AFG1L: variants seen among roughly 807,000 people sequenced by gnomAD.
The protein encoded by AFG1L is AFG1-like ATPase.
A neutral mutation model predicts 62.2 loss-of-function variants in AFG1L; 53 were observed. The observed-to-expected ratio is 0.85, with a 90% CI of 0.68 to 1.07. The LOEUF (loss-of-function observed/expected upper bound fraction) is 1.07, where lower values mean the gene tolerates loss of function less well. Ranked by LOEUF, AFG1L falls within the 50% of genes least tolerant of loss-of-function variation. The pLI, the probability that AFG1L is intolerant of heterozygous loss-of-function variation, is 0.00. For missense variants in AFG1L, 555 were observed against 590.5 expected (o/e 0.94, Z 0.62); for synonymous variants, 228 against 210.3 (o/e 1.08, Z -0.73).
At position 108,465,491 on chromosome 6, in the gene AFG1L, T is replaced by A. The variant is rs1772628953; in HGVS notation, c.891-11374T>A. 2.0e-5 allele frequency among the ~76,000 whole-genome samples: 3 copies of A among 152,322 alleles called. No homozygotes were observed. In the Middle Eastern group the frequency reaches 0.01, roughly 518 times the overall value. On this transcript the variant is annotated intron_variant, in intron 8 of 12. Transcript: ENST00000368977. ...CTTGTTGCTGACCTTAGGTCTTATG[T>A]CCCAAATACCAGATTTTTAAAAATG...
intron 7 of AFG1L, among the ~76,000 whole-genome samples, chr6:108,440,891 A>G (rs1771519595): frequency 6.6e-6 from 1 of 152,204 alleles, no homozygotes; most frequent in South Asian, 2.1e-4. Context: ...TTAAAAATTT[A>G]TAAAATAAAT....
intron 2 of AFG1L, among the ~76,000 whole-genome samples, chr6:108,332,056 A>G (rs949872080): frequency 1.3e-5 from 2 of 152,210 alleles, no homozygotes; most frequent in Non-Finnish European, 2.9e-5. Context: ...AGGCAGATGG[A>G]AAAGAACTAC....
chr6:108,446,015 C>A (rs1355070371), intron 7 of AFG1L, among the ~76,000 whole-genome samples: 6 of 148,966 alleles, frequency 4.0e-5, no homozygotes, highest in African/African-American at 1.2e-4. Flanking sequence ...AAGGGAAACA[C>A]AATAAAATGA....
Position 108,347,459 on chromosome 6 carries a change from A to C in AFG1L, c.415+420A>C, listed in dbSNP as rs75924373. The stretch of plus-strand genomic sequence containing the variant: ...CATAACCTAAGCCCTTGGATGAATA[A>C]TTTAGTCGTTATTATCTTTAATGTA... On this transcript the variant is annotated intron_variant, in intron 3 of 12. Transcript: ENST00000368977. Among the ~76,000 whole-genome samples the C allele has an allele frequency of 3.2e-3, 493 of 152,268 alleles. 1 individual carries two copies. Among genetic ancestry groups the C allele is most frequent in the Non-Finnish European group, 5.4e-3 (369 of 68,018 alleles).
chr6:108,419,886 A>G (rs995419041), intron 7 of AFG1L, among the ~76,000 whole-genome samples: 5 of 152,178 alleles, frequency 3.3e-5, no homozygotes, highest in African/African-American at 4.8e-5. Context: ...TTGTTTGATT[A>G]TAACCCTTAG....
intron 2 of AFG1L, among the ~76,000 whole-genome samples, chr6:108,334,498 C>T (rs1454579515): frequency 6.6e-6 from 1 of 150,570 alleles, no homozygotes; most frequent in Non-Finnish European, 1.5e-5. Flanking sequence ...TTGAGATGAG[C>T]CTGGGCATCA....
At chr6:108,337,503 G>A (rs1027948614) in intron 2 of AFG1L, among the ~76,000 whole-genome samples, 2 of 152,120 alleles carry the variant, frequency 1.3e-5, no homozygotes, top group Admixed American at 6.6e-5. Context: ...TGTATCCTCA[G>A]CACATAGCAC....
intron 7 of AFG1L, among the ~76,000 whole-genome samples, chr6:108,412,344 G>A (rs574643696): frequency 5.7e-4 from 87 of 152,308 alleles, no homozygotes; most frequent in African/African-American, 1.9e-3. Flanking sequence ...ATACTCTTCA[G>A]GGTATTATCC....
intron 12 of AFG1L, 31 bp from the exon 13 acceptor site, chr6:108,522,266 C>A (rs1166054117): frequency 6.2e-7 from 1 of 1,602,122 alleles, no homozygotes; most frequent in South Asian, 1.1e-5. Flanking sequence ...TTTGTGATAG[C>A]TTTATTTTAA....
chr6:108,498,339 C>T (rs996446718), intron 10 of AFG1L, among the ~76,000 whole-genome samples: 1 of 152,262 alleles, frequency 6.6e-6, no homozygotes, highest in South Asian at 2.1e-4. Context: ...TCAGATGACC[C>T]CTCACCCCAC....
At chr6:108,491,562 A>T (rs1562193300) in intron 10 of AFG1L, among the ~76,000 whole-genome samples, 2 of 152,232 alleles carry the variant, frequency 1.3e-5, no homozygotes, top group Non-Finnish European at 2.9e-5. Context: ...ATCCAGAAAA[A>T]ATAGTTCTAA....
intron 9 of AFG1L, 104 bp downstream of exon 9, chr6:108,477,039 C>T (rs1465459554): frequency 6.3e-6 from 7 of 1,106,322 alleles, no homozygotes; most frequent in East Asian, 4.8e-5. Context: ...GTTGATGCCA[C>T]GCTCAAGTGG....
intron 7 of AFG1L, among the ~76,000 whole-genome samples, chr6:108,409,464 G>A (rs1488823008): frequency 6.6e-6 from 1 of 152,090 alleles, no homozygotes; most frequent in Non-Finnish European, 1.5e-5. Flanking sequence ...CAGGAGCGGG[G>A]GGAGAGGCAG....
intron 8 of AFG1L, among the ~76,000 whole-genome samples, chr6:108,468,889 G>T (rs1194548566): frequency 2.7e-5 from 4 of 150,242 alleles, no homozygotes; most frequent in Non-Finnish European, 4.4e-5. Context: ...TTGTTCTTTT[G>T]GTTTGCAGCA....
At chr6:108,332,322 C>T (rs1778304818) in intron 2 of AFG1L, among the ~76,000 whole-genome samples, 1 of 152,136 alleles carries the variant, frequency 6.6e-6, no homozygotes, top group African/African-American at 2.4e-5. Flanking sequence ...TATTCCTGCC[C>T]TATTCAACAG....
chr6:108,366,212 C>T lies in AFG1L; in HGVS notation c.649-21C>T, dbSNP rs767893208. 1.2e-5 allele frequency: 18 copies of T among 1,469,238 alleles called. No individual in the cohort carries two copies. The Admixed American group carries it at 3.0e-4, about 24-fold the overall frequency. 91.0% of individuals were successfully genotyped at this position (1,469,238 alleles called of 1,614,324 possible). ...CAGCAGAAGTGAAATTAAAATAAAA[C>T]AAATGTGTTGTTGTCAATAGGTCAC... On this transcript the variant is annotated intron_variant, in intron 5 of 12. Transcript: ENST00000368977.
intron 1 of AFG1L, among the ~76,000 whole-genome samples, chr6:108,317,341 G>A (rs979946856): frequency 2.6e-4 from 40 of 152,120 alleles, no homozygotes; most frequent in Non-Finnish European, 1.9e-4. Flanking sequence ...CACGGGCAGG[G>A]GGCTAGGGAA....
At chr6:108,365,343 G>A (rs1288906730) in intron 5 of AFG1L, among the ~76,000 whole-genome samples, 4 of 152,104 alleles carry the variant, frequency 2.6e-5, no homozygotes, top group African/African-American at 4.8e-5. Context: ...AGCTTACTTC[G>A]TAATTGTGAA....
chr6:108,417,555 T>C (rs1347847216), intron 7 of AFG1L, among the ~76,000 whole-genome samples: 2 of 152,170 alleles, frequency 1.3e-5, no homozygotes, highest in Non-Finnish European at 2.9e-5. Flanking sequence ...AAAATAACTG[T>C]CACTAGTCTG....
Sources: allele counts gnomAD v4.1 joint callset (sites outside exome capture counted in the v4.1 genomes callset), GRCh38; gene constraint gnomAD v4.1.1; transcripts MANE v1.5; gene names NCBI Gene and HGNC (gene_info 2026-07-23, HGNC 2026-07-21).